Variants in SDK2 observed in about 807,000 individuals in gnomAD.
SDK2 encodes protein sidekick-2.
Under a neutral mutation model 253.9 loss-of-function variants are expected in SDK2, and 105 were observed. That is an observed-to-expected ratio of 0.41 (90% CI 0.35 to 0.49). SDK2 has a LOEUF of 0.49. SDK2 is among the 20% of genes least tolerant of loss of function. The pLI, the probability that SDK2 is intolerant of heterozygous loss-of-function variation, is 0.06. For synonymous variants in SDK2, 1,249 were observed against 1,234.9 expected (o/e 1.01, Z -0.24); for missense variants, 2,608 against 3,003.0 (o/e 0.87, Z 3.07).
rs543581732 is a variant in SDK2 at position 73,612,772 on chromosome 17, C to T, written c.64+31253G>A. On this transcript the variant is annotated intron_variant, in intron 1 of 44. Transcript: ENST00000392650. The surrounding 1 kb of genome is among the most constrained non-coding windows in gnomAD (Gnocchi z 4.4). ...TCTCTACTAAAAATACAAAAATTAGCTGTACCTGGTGGTGCGCACCTGTAG... is the reference window on the plus strand; with the variant it reads ...TCTCTACTAAAAATACAAAAATTAGTTGTACCTGGTGGTGCGCACCTGTAG... Among the ~76,000 whole-genome samples, 1 of 152,232 alleles carries T rather than the reference C, an allele frequency of 6.6e-6. No homozygotes were observed. Among genetic ancestry groups the T allele is most frequent in the African/African-American group, 2.4e-5 (1 of 41,536 alleles).
Position 73,390,205 on chromosome 17 carries a change from C to T in SDK2, c.4192+82G>A, listed in dbSNP as rs1022334745. The T allele has an allele frequency of 5.0e-6, 6 of 1,206,968 alleles. No homozygotes were observed. The African/African-American group carries it at 9.2e-5, about 18-fold the overall frequency. The allele number at this position is 1,206,968 out of a possible 1,614,324, so 74.8% of individuals were successfully genotyped here. On this transcript the variant is annotated intron_variant, in intron 29 of 44. Coordinates refer to ENST00000392650, the MANE Select transcript of SDK2 (RefSeq NM_001144952.2). ...CCAGGGCACTGCAGCTCATACCAGC[C>T]ATCCACTAGGAACAGCTCAGAGCAC...
chr17:73,435,415 G>C lies in SDK2; in HGVS notation c.1195+35C>G. The C allele has an allele frequency of 1.3e-6, 2 of 1,541,748 alleles. No individual in the cohort carries two copies. Among genetic ancestry groups the C allele is most frequent in the African/African-American group, 1.4e-5 (1 of 73,494 alleles). ...AAGAAAGCTGCGTCCTGGGAAGAGG[G>C]GCTCACGGGCAGCACAAGGGAAGGC... On this transcript the variant is annotated intron_variant, in intron 9 of 44. Transcript: ENST00000392650. The surrounding 1 kb of genome is among the most constrained non-coding windows in gnomAD (Gnocchi z 5.7).
intron 18 of SDK2, among the ~76,000 whole-genome samples, chr17:73,405,509 T>TAA (rs1568385771): frequency 1.5e-4 from 6 of 38,924 alleles, no homozygotes; most frequent in African/African-American, 4.7e-4. Context: ...TATATATATA[T>TAA]ATATATATAA....
intron 1 of SDK2, among the ~76,000 whole-genome samples, chr17:73,608,019 C>T (rs757581359): frequency 1.7e-4 from 26 of 152,196 alleles, no homozygotes; most frequent in Admixed American, 5.9e-4. Flanking sequence ...GAATGTGGGT[C>T]CATGACCACC....
At chr17:73,440,776 T>TA (rs745742971) in intron 6 of SDK2, 36 bp downstream of exon 6, 5 of 1,447,050 alleles carry the variant, frequency 3.5e-6, no homozygotes, top group Non-Finnish European at 4.7e-6. Flanking sequence ...CAGCTGGAGT[T>TA]ACGGGTGCGG....
intron 24 of SDK2, among the ~76,000 whole-genome samples, chr17:73,396,519 T>A (rs2062972152): frequency 6.6e-6 from 1 of 152,150 alleles, no homozygotes; most frequent in Non-Finnish European, 1.5e-5. Context: ...ACTACACGCT[T>A]CCTCCCTCCT....
chr17:73,604,938 C>T (rs866008949), intron 1 of SDK2, among the ~76,000 whole-genome samples: 7 of 152,062 alleles, frequency 4.6e-5, no homozygotes, highest in African/African-American at 1.4e-4. Flanking sequence ...TGGACCACTG[C>T]GGGAGAGGAA....
intron 39 of SDK2, among the ~76,000 whole-genome samples, chr17:73,358,546 T>C (rs542311197): frequency 2.3e-4 from 35 of 152,258 alleles, no homozygotes; most frequent in African/African-American, 7.7e-4. Context: ...AGCCTTCCAG[T>C]GCCTCCGTTT....
At chr17:73,567,583 A>G (rs2045329302) in intron 1 of SDK2, among the ~76,000 whole-genome samples, 1 of 152,190 alleles carries the variant, frequency 6.6e-6, no homozygotes. Flanking sequence ...CAGGCACCAG[A>G]CTCCAACCCG....
At chr17:73,579,945 TC>T (rs1256073947) in intron 1 of SDK2, among the ~76,000 whole-genome samples, 2 of 149,696 alleles carry the variant, frequency 1.3e-5, no homozygotes, top group Non-Finnish European at 1.5e-5. Context: ...ACCACTGCAT[TC>T]CAGCCTGGGG....
intron 12 of SDK2, among the ~76,000 whole-genome samples, chr17:73,425,957 C>T (rs1011965978): frequency 3.3e-5 from 5 of 152,182 alleles, no homozygotes; most frequent in Admixed American, 2.0e-4. Context: ...CGGTCAGTAA[C>T]AGTTAGCCTT....
chr17:73,611,104 G>C (rs959858296), intron 1 of SDK2, among the ~76,000 whole-genome samples: 5 of 152,224 alleles, frequency 3.3e-5, no homozygotes, highest in Non-Finnish European at 7.3e-5. Flanking sequence ...TTTTGCAAGA[G>C]ACCAGGGGCT....
chr17:73,496,922 G>A lies in SDK2; in HGVS notation c.224+10516C>T, dbSNP rs1044712387. Reference sequence around the variant, plus strand: ...TGTTTTTATTTATGTTTTGAGATGGGGTCTCGCTTTGTCGCCTAGGTAGGA... The same window carrying A: ...TGTTTTTATTTATGTTTTGAGATGGAGTCTCGCTTTGTCGCCTAGGTAGGA... On this transcript the variant is annotated intron_variant, in intron 2 of 44. Transcript: ENST00000392650. This position sits in a 1 kb window ranked among gnomAD's most constrained non-coding sequence, Gnocchi z 4.7. Among the ~76,000 whole-genome samples the A allele has an allele frequency of 1.3e-5, 2 of 152,098 alleles. No individual in the cohort carries two copies. Among genetic ancestry groups the A allele is most frequent in the Admixed American group, 1.3e-4 (2 of 15,266 alleles).
intron 2 of SDK2, among the ~76,000 whole-genome samples, chr17:73,474,624 T>C (rs769850824): frequency 6.6e-6 from 1 of 152,246 alleles, no homozygotes; most frequent in Non-Finnish European, 1.5e-5. Context: ...GAGACAGCAG[T>C]GCCCAAGCTC....
At chr17:73,349,086 T>C (rs1255725486) in intron 43 of SDK2, among the ~76,000 whole-genome samples, 2 of 152,132 alleles carry the variant, frequency 1.3e-5, no homozygotes, top group East Asian at 3.9e-4. Flanking sequence ...GTGTGTGCAC[T>C]GTGGGTAGGA....
intron 3 of SDK2, among the ~76,000 whole-genome samples, chr17:73,470,713 A>G (rs1455861661): frequency 1.3e-5 from 2 of 152,170 alleles, no homozygotes; most frequent in South Asian, 2.1e-4. Flanking sequence ...ATTTTCTTTT[A>G]GATTTCTCTC....
intron 15 of SDK2, among the ~76,000 whole-genome samples, chr17:73,419,771 A>T (rs2063214035): frequency 6.6e-6 from 1 of 150,432 alleles, no homozygotes; most frequent in Non-Finnish European, 1.5e-5. Flanking sequence ...GTAATCCCAA[A>T]TACCTGGGAG....
rs2046246630 is a variant in SDK2 at position 73,629,827 on chromosome 17, G to C, written c.64+14198C>G. ...AGAAGCAAAAGAGGTTCATGGTTTT[G>C]GTTATCCATTGGCTCATGGGGGTTA... On this transcript the variant is annotated intron_variant, in intron 1 of 44. Coordinates refer to ENST00000392650, the MANE Select transcript of SDK2 (RefSeq NM_001144952.2). The surrounding 1 kb of genome is among the most constrained non-coding windows in gnomAD (Gnocchi z 5.0). Among the ~76,000 whole-genome samples, 1 of 152,140 alleles carries C rather than the reference G, an allele frequency of 6.6e-6. No individual in the cohort carries two copies. Among genetic ancestry groups the C allele is most frequent in the Admixed American group, 6.5e-5 (1 of 15,274 alleles).
chr17:73,546,116 G>A (rs1261545394), intron 1 of SDK2, among the ~76,000 whole-genome samples: 1 of 152,078 alleles, frequency 6.6e-6, no homozygotes, highest in Non-Finnish European at 1.5e-5. Context: ...GGCGGGGGGT[G>A]AGGAGAGGCA....
Sources: gnomAD v4.1 joint callset for allele counts (sites outside exome capture counted in the v4.1 genomes callset) on GRCh38, gnomAD v4.1.1 for gene constraint, Gnocchi (gnomAD v3.1) non-coding constraint, MANE v1.5 for transcripts, NCBI Gene and HGNC (gene_info 2026-07-23, HGNC 2026-07-21) for gene names.